The following STEAP1 variants were observed in gnomAD, a reference collection of about 807,000 sequenced individuals.
The protein encoded by STEAP1 is STEAP family member 1.
Under a neutral mutation model 34.4 loss-of-function variants are expected in STEAP1, and 30 were observed. The ratio of observed to expected loss-of-function variants is 0.87; its 90% CI spans 0.65 to 1.18. STEAP1 has a LOEUF of 1.18. Among genes scored for constraint, STEAP1 ranks in the 50% most tolerant of loss-of-function variants. The pLI, the probability that STEAP1 is intolerant of heterozygous loss-of-function variation, is 0.00. For synonymous variants in STEAP1, 116 were observed against 135.3 expected, an observed-to-expected ratio of 0.86 and a Z score of 0.99; for missense variants, 318 against 391.1, an observed-to-expected ratio of 0.81 and a Z score of 1.58.
rs754108733 is a variant in STEAP1 at position 90,160,993 on chromosome 7, G to A, written c.273G>A (p.Leu91=). The A allele has an allele frequency of 6.2e-7, 1 of 1,613,916 alleles. No individual in the cohort carries two copies. The highest frequency in any genetic ancestry group is 1.7e-5 in the Admixed American group (1 of 60,016). Residue 91 remains leucine, a synonymous_variant, in exon 3 of 5, where the codon CTG becomes CTA. Transcript: ENST00000297205. The part of the protein sequence containing the change: ...IASLTFLYTL[L]REVIHPLATS... ...CTCTGACTTTTCTTTACACTCTTCTGAGGGAAGTAATTCACCCTTTAGCAA... is the reference window on the plus strand; with the variant it reads ...CTCTGACTTTTCTTTACACTCTTCTAAGGGAAGTAATTCACCCTTTAGCAA...
intron 4 of STEAP1, 137 bp from the exon 5 acceptor site, chr7:90,164,340 A>G: frequency 9.4e-7 from 1 of 1,067,194 alleles, no homozygotes; most frequent in Non-Finnish European, 1.3e-6. Flanking sequence ...AAAGATGTGA[A>G]TGGACATTGT....
chr7:90,162,149 T>A, intron 4 of STEAP1, 71 bp downstream of exon 4: 1 of 1,491,170 alleles, frequency 6.7e-7, no homozygotes, highest in Non-Finnish European at 8.9e-7. Context: ...ATATGTTGAC[T>A]TTACCCCATA....
intron 1 of STEAP1, among the ~76,000 whole-genome samples, chr7:90,155,270 A>C (rs13222812): frequency 1.3e-5 from 2 of 149,828 alleles, no homozygotes; most frequent in African/African-American, 2.4e-5. Flanking sequence ...AAAAAAAAAA[A>C]CAAAAAACTC....
intron 4 of STEAP1, 30 bp from the exon 5 acceptor site, chr7:90,164,447 A>G: frequency 2.5e-6 from 4 of 1,579,016 alleles, no homozygotes; most frequent in Middle Eastern, 1.7e-4. Flanking sequence ...TATTGAACCA[A>G]TCTTCACCAA....
At chr7:90,163,225 A>G (rs903666143) in intron 4 of STEAP1, 1 of 183,876 alleles carries the variant, frequency 5.4e-6, no homozygotes, top group Admixed American at 5.4e-5. Context: ...AGTGTGGCTT[A>G]GAGTTGGTAC....
intron 1 of STEAP1, among the ~76,000 whole-genome samples, chr7:90,156,652 C>G (rs1378226593): frequency 6.6e-6 from 1 of 152,356 alleles, no homozygotes; most frequent in South Asian, 2.1e-4. Context: ...TTATGAGAAT[C>G]TAACTATTGC....
Position 90,161,094 on chromosome 7 carries a change from T to C in STEAP1, c.374T>C (p.Leu125Pro). Residue 125 changes from leucine to proline, a missense_variant, in exon 3 of 5, where the codon CTC becomes CCC. Transcript: ENST00000297205. ...GTCTTGCCAATGGTTTCCATCACTC[T>C]CTTGGCATTGGTTTACCTGCCAGGT... ...NKVLPMVSITLLALVYLPGVI... is the reference protein window; with the variant it reads ...NKVLPMVSITPLALVYLPGVI... The C allele has an allele frequency of 6.2e-7, 1 of 1,614,032 alleles. No individual in the cohort carries two copies. Among genetic ancestry groups the C allele is most frequent in the Non-Finnish European group, 8.5e-7 (1 of 1,179,874 alleles).
At chr7:90,162,304 T>C in intron 4 of STEAP1, 2 of 677,122 alleles carry the variant, frequency 3.0e-6, no homozygotes, top group Non-Finnish European at 4.1e-6. Context: ...TCTTTGTTTT[T>C]TTTTTTTGTT....
intron 4 of STEAP1, 28 bp from the exon 5 acceptor site, chr7:90,164,449 C>T (rs779207583): frequency 2.5e-6 from 4 of 1,579,524 alleles, no homozygotes; most frequent in Non-Finnish European, 3.4e-6. Context: ...TTGAACCAAT[C>T]TTCACCAATT....
rs548135648 is a variant in STEAP1 at position 90,159,182 on chromosome 7, G to A, written c.-31-576G>A. Among the ~76,000 whole-genome samples, 71 of 152,264 alleles carry A rather than the reference G, an allele frequency of 4.7e-4. No homozygotes were observed. The South Asian group carries it at 5.4e-3, about 12-fold the overall frequency. ...TCCACAGGGTTGACCAGAAGACTGG[G>A]CACATCATTAATTCGGCACAACTCA... is the stretch of plus-strand genomic sequence containing the variant. On this transcript the variant is annotated intron_variant, in intron 1 of 4. Coordinates refer to ENST00000297205, the MANE Select transcript of STEAP1 (RefSeq NM_012449.3).
In STEAP1 at chr7:90,161,948, A is replaced by T. The variant is rs1584193998; in HGVS notation, c.632A>T (p.His211Leu). The part of the protein sequence containing the change: ...QQNKEDAWIE[H>L]DVWRMEIYVS... ...AATAAAGAAGATGCCTGGATTGAGC[A>T]TGATGTTTGGAGAATGGAGATTTAT... The change falls in exon 4 of 5, where the codon CAT (histidine) becomes CTT (leucine). Residue 211 changes from histidine (H) to leucine (L), a missense_variant. Coordinates refer to ENST00000297205, the MANE Select transcript of STEAP1 (RefSeq NM_012449.3). 1 of 1,613,280 alleles carries T rather than the reference A, an allele frequency of 6.2e-7. No individual in the cohort carries two copies. Among genetic ancestry groups the T allele is most frequent in the East Asian group, 2.2e-5 (1 of 44,858 alleles).
chr7:90,158,997 T>C (rs957078061), intron 1 of STEAP1, among the ~76,000 whole-genome samples: 3 of 152,244 alleles, frequency 2.0e-5, no homozygotes, highest in Non-Finnish European at 4.4e-5. Flanking sequence ...ATTGAAGATG[T>C]GTTCCTCTGG....
In STEAP1 at chr7:90,164,600, T is replaced by G. The variant is rs140040879; in HGVS notation, c.886T>G (p.Phe296Val). Reference sequence around the variant, plus strand: ...ACCTCCAACTTTTATGATAGCTGTTTTCCTTCCAATTGTTGTCCTGATATT... The same window carrying G: ...ACCTCCAACTTTTATGATAGCTGTTGTCCTTCCAATTGTTGTCCTGATATT... ...YTPPTFMIAV[F>V]LPIVVLIFKS... The change falls in exon 5 of 5, where the codon TTC (phenylalanine) becomes GTC (valine). Residue 296 changes from phenylalanine to valine, a missense_variant. Transcript: ENST00000297205. The G allele has an allele frequency of 6.2e-7, 1 of 1,613,694 alleles. No individual in the cohort carries two copies. The highest frequency in any genetic ancestry group is 8.5e-7 in the Non-Finnish European group (1 of 1,179,854).
At chr7:90,156,367 G>A (rs1225194482) in intron 1 of STEAP1, among the ~76,000 whole-genome samples, 1 of 152,126 alleles carries the variant, frequency 6.6e-6, no homozygotes, top group East Asian at 1.9e-4. Flanking sequence ...GGTGGGAGGT[G>A]ATTGGACCAT....
chr7:90,158,871 T>C (rs573056836), intron 1 of STEAP1, among the ~76,000 whole-genome samples: 71 of 152,344 alleles, frequency 4.7e-4, no homozygotes, highest in African/African-American at 1.6e-3. Flanking sequence ...GAAACAGCTT[T>C]CCACCTAAAA....
intron 1 of STEAP1, among the ~76,000 whole-genome samples, chr7:90,155,288 C>T (rs1421240760): frequency 6.6e-6 from 1 of 151,800 alleles, no homozygotes; most frequent in Non-Finnish European, 1.5e-5. Context: ...CTCGACTTCA[C>T]TTAGTTAAAT....
chr7:90,164,531 G>C lies in STEAP1; in HGVS notation c.817G>C (p.Ala273Pro). Reference protein sequence around the residue: ...LLGTIHALIFAWNKWIDIKQF... With the variant: ...LLGTIHALIFPWNKWIDIKQF... ...GGGCACAATACACGCATTGATTTTTGCCTGGAATAAGTGGATAGATATAAA... is the reference window on the plus strand; with the variant it reads ...GGGCACAATACACGCATTGATTTTTCCCTGGAATAAGTGGATAGATATAAA... The change falls in exon 5 of 5, where the codon GCC (alanine) becomes CCC (proline). Residue 273 changes from alanine (A) to proline (P), a missense_variant. Ala to Pro is a conservative substitution (Grantham distance 27). Transcript: ENST00000297205. 6.2e-7 allele frequency: 1 copy of C among 1,612,982 alleles called. No individual in the cohort carries two copies. The highest frequency in any genetic ancestry group is 8.5e-7 in the Non-Finnish European group (1 of 1,179,500).
chr7:90,164,734 G>A lies in STEAP1; in HGVS notation c.1020G>A (p.Ter340=). 1.2e-6 allele frequency: 2 copies of A among 1,605,098 alleles called. No homozygotes were observed. Among genetic ancestry groups the A allele is most frequent in the South Asian group, 2.2e-5 (2 of 89,672 alleles). Residue 340 remains the stop codon, a stop_retained_variant, in exon 5 of 5, where the codon TAG becomes TAA. Transcript: ENST00000297205. ...AAACTGAGATATGTTCCCAGTTGTA[G>A]AATTACTGTTTACACACATTTTTGT... ...INKTEICSQL[*]
At chr7:90,160,271 C>T (rs1374527819) in intron 2 of STEAP1, among the ~76,000 whole-genome samples, 12 of 151,778 alleles carry the variant, frequency 7.9e-5, no homozygotes, top group African/African-American at 1.2e-4. Context: ...GTCATAGACA[C>T]AGTGGCAGCT....
Sources: allele counts gnomAD v4.1 joint callset (sites outside exome capture counted in the v4.1 genomes callset), GRCh38; gene constraint gnomAD v4.1.1; transcripts MANE v1.5; gene names NCBI Gene and HGNC (gene_info 2026-07-23, HGNC 2026-07-21).